Variants in AUTS2 observed in about 807,000 individuals in gnomAD.
AUTS2 encodes the protein activator of transcription and developmental regulator AUTS2.
A neutral mutation model predicts 112.4 loss-of-function variants in AUTS2; 17 were observed. The observed-to-expected ratio is 0.15, with a 90% CI of 0.10 to 0.23. The LOEUF (loss-of-function observed/expected upper bound fraction) is 0.23, where lower values mean the gene tolerates loss of function less well. Among genes scored for constraint, AUTS2 ranks in the 10% least tolerant of loss-of-function variants. The pLI, the probability that AUTS2 is intolerant of heterozygous loss-of-function variation, is 1.00. For missense variants in AUTS2, 1,510 were observed against 1,701.6 expected (o/e 0.89, Z 1.98); for synonymous variants, 751 against 702.7 (o/e 1.07, Z -1.09).
intron 1 of AUTS2, among the ~76,000 whole-genome samples, chr7:69,857,658 A>G (rs1193476025): frequency 1.3e-5 from 2 of 152,120 alleles, no homozygotes; most frequent in Non-Finnish European, 2.9e-5. Context: ...TTGTTTCTCA[A>G]TAGTTGGAAT....
chr7:70,621,525 C>T (rs1804673278), intron 5 of AUTS2, among the ~76,000 whole-genome samples: 1 of 152,186 alleles, frequency 6.6e-6, no homozygotes, highest in South Asian at 2.1e-4. Context: ...TTTCCATCCT[C>T]AAAAGTCACA....
chr7:70,592,488 G>A (rs768481724), intron 5 of AUTS2, among the ~76,000 whole-genome samples: 3 of 151,906 alleles, frequency 2.0e-5, no homozygotes, highest in Non-Finnish European at 2.9e-5. Flanking sequence ...TCAGCCTCCC[G>A]AGTAGCTGGA....
chr7:70,081,674 CAAG>C (rs1803324421), intron 2 of AUTS2, among the ~76,000 whole-genome samples: 1 of 152,108 alleles, frequency 6.6e-6, no homozygotes, highest in South Asian at 2.1e-4. Flanking sequence ...TTTTGGTTAA[CAAG>C]AAGTTGTATT....
At chr7:69,925,108 G>T (rs1795956322) in intron 2 of AUTS2, among the ~76,000 whole-genome samples, 3 of 151,846 alleles carry the variant, frequency 2.0e-5, no homozygotes, top group African/African-American at 7.3e-5. Context: ...TATATCTATA[G>T]AATCTATGGC....
chr7:69,678,643 G>A (rs1286444960), intron 1 of AUTS2, among the ~76,000 whole-genome samples: 7 of 152,186 alleles, frequency 4.6e-5, no homozygotes, highest in Non-Finnish European at 1.0e-4. Context: ...GCCTGGGGTT[G>A]TATTTCCAAT....
rs1036961573 is a variant in AUTS2, at chr7:69,618,986, C to T, written c.309+19024C>T. Among the ~76,000 whole-genome samples, 4 of 152,154 alleles carry T rather than the reference C, an allele frequency of 2.6e-5. 1 individual carries two copies. The Middle Eastern group carries it at 0.01, about 388-fold the overall frequency. On this transcript the variant is annotated intron_variant, in intron 1 of 18. Transcript: ENST00000342771. ...TCTATCATCAGAATTTTAAAAAGCT[C>T]CCCAAGGCGAGGATTCTATCATGCA...
intron 4 of AUTS2, among the ~76,000 whole-genome samples, chr7:70,222,189 A>G (rs1490483007): frequency 6.6e-6 from 1 of 152,242 alleles, no homozygotes; most frequent in East Asian, 1.9e-4. Context: ...TTTGCAGTAG[A>G]TATTTCCCAT....
chr7:70,275,141 T>A (rs1032397366), intron 4 of AUTS2, among the ~76,000 whole-genome samples: 2 of 152,182 alleles, frequency 1.3e-5, no homozygotes, highest in African/African-American at 2.4e-5. Context: ...CCTCAAACTA[T>A]GGGGCTCAAG....
chr7:70,133,908 C>T (rs1806406979), intron 3 of AUTS2, among the ~76,000 whole-genome samples: 1 of 152,052 alleles, frequency 6.6e-6, no homozygotes, highest in African/African-American at 2.4e-5. Flanking sequence ...TGACTTAAAC[C>T]CTTCAGAAAA....
intron 4 of AUTS2, among the ~76,000 whole-genome samples, chr7:70,235,763 T>A (rs1436495194): frequency 6.6e-6 from 1 of 152,002 alleles, no homozygotes; most frequent in Non-Finnish European, 1.5e-5. Flanking sequence ...GTGATTCTCC[T>A]GCCTCAGCCC....
chr7:69,984,924 G>T (rs776196622), intron 2 of AUTS2, among the ~76,000 whole-genome samples: 3 of 152,206 alleles, frequency 2.0e-5, no homozygotes, highest in Non-Finnish European at 4.4e-5. Context: ...ATCTGGGGGT[G>T]ATTTAGAATA....
intron 2 of AUTS2, among the ~76,000 whole-genome samples, chr7:69,947,600 T>C (rs1447917547): frequency 6.6e-6 from 1 of 152,234 alleles, no homozygotes; most frequent in South Asian, 2.1e-4. Context: ...GCCCAATTGT[T>C]GTTACCCACT....
At chr7:70,519,455 A>G (rs1430557257) in intron 5 of AUTS2, among the ~76,000 whole-genome samples, 1 of 152,200 alleles carries the variant, frequency 6.6e-6, no homozygotes, top group East Asian at 1.9e-4. Context: ...CCAACCAAGA[A>G]CCAGGGAACC....
intron 2 of AUTS2, among the ~76,000 whole-genome samples, chr7:69,975,880 G>T (rs1280649544): frequency 6.6e-6 from 1 of 151,712 alleles, no homozygotes; most frequent in African/African-American, 2.4e-5. Context: ...TAGAGACAGG[G>T]TTTCACCATG....
chr7:70,289,780 T>C (rs1788627007), intron 4 of AUTS2, among the ~76,000 whole-genome samples: 2 of 152,176 alleles, frequency 1.3e-5, no homozygotes, highest in African/African-American at 4.8e-5. Context: ...AAGTTAGAGA[T>C]ACAGTCTTCA....
chr7:69,858,227 T>G (rs1293073484), intron 1 of AUTS2, among the ~76,000 whole-genome samples: 8 of 152,352 alleles, frequency 5.3e-5, no homozygotes, highest in African/African-American at 1.9e-4. Context: ...TATCTTTGTA[T>G]GTTCAAAGTA....
At chr7:70,492,149 T>C (rs1379067836) in intron 5 of AUTS2, among the ~76,000 whole-genome samples, 1 of 151,934 alleles carries the variant, frequency 6.6e-6, no homozygotes, top group African/African-American at 2.4e-5. Context: ...ACAGCTGCAG[T>C]ATAGGCACAG....
chr7:70,646,008 T>C (rs1806140107), intron 5 of AUTS2, among the ~76,000 whole-genome samples: 1 of 152,202 alleles, frequency 6.6e-6, no homozygotes, highest in Non-Finnish European at 1.5e-5. Context: ...ACCGTCATGC[T>C]TTAGCGAGGC....
intron 4 of AUTS2, among the ~76,000 whole-genome samples, chr7:70,227,726 T>C (rs1811841172): frequency 6.6e-6 from 1 of 152,148 alleles, no homozygotes; most frequent in South Asian, 2.1e-4. Context: ...TATTGACATA[T>C]TTCAAAATAT....
Sources: gnomAD v4.1 joint callset for allele counts (sites outside exome capture counted in the v4.1 genomes callset) on GRCh38, gnomAD v4.1.1 for gene constraint, MANE v1.5 for transcripts, NCBI Gene and HGNC (gene_info 2026-07-23, HGNC 2026-07-21) for gene names.